The following KCNN2 variants were observed in gnomAD, a reference collection of about 807,000 sequenced individuals.
KCNN2 encodes the protein small conductance calcium-activated potassium channel protein 2.
A neutral mutation model predicts 55.5 loss-of-function variants in KCNN2; 24 were observed. That is an observed-to-expected ratio of 0.43 (90% CI 0.31 to 0.61). The LOEUF (loss-of-function observed/expected upper bound fraction) is 0.61, where lower values mean the gene tolerates loss of function less well. Among genes scored for constraint, KCNN2 ranks in the 20% least tolerant of loss-of-function variants. KCNN2 has a pLI of 0.08. For missense variants in KCNN2, 754 were observed against 853.6 expected, an observed-to-expected ratio of 0.88 and a Z score of 1.45; for synonymous variants, 431 against 336.1, an observed-to-expected ratio of 1.28 and a Z score of -3.09.
chr5:114,442,519 T>C (rs958519038), intron 3 of KCNN2, among the ~76,000 whole-genome samples: 3 of 152,186 alleles, frequency 2.0e-5, no homozygotes, highest in Non-Finnish European at 4.4e-5. Context: ...CTCAGTGATA[T>C]GACAAGCTGC....
chr5:114,281,360 C>T (rs1175455586), intron 2 of KCNN2, among the ~76,000 whole-genome samples: 1 of 152,170 alleles, frequency 6.6e-6, no homozygotes, highest in East Asian at 1.9e-4. Context: ...CCAAATGTCC[C>T]TCATGGAAAG....
chr5:114,328,685 A>G (rs1378922515), intron 2 of KCNN2, among the ~76,000 whole-genome samples: 1 of 152,142 alleles, frequency 6.6e-6, no homozygotes, highest in African/African-American at 2.4e-5. Flanking sequence ...TTCGGCAGGG[A>G]AGAAGCCACC....
At chr5:114,347,555 C>G (rs373564418) in intron 2 of KCNN2, among the ~76,000 whole-genome samples, 86 of 152,298 alleles carry the variant, frequency 5.6e-4, no homozygotes, top group African/African-American at 2.0e-3. Context: ...CTAGACAAAA[C>G]TTTCTGATCA....
chr5:114,388,001 C>G (rs1332962072), intron 2 of KCNN2, among the ~76,000 whole-genome samples: 1 of 152,198 alleles, frequency 6.6e-6, no homozygotes, highest in Non-Finnish European at 1.5e-5. Context: ...GCATATCCTT[C>G]CGTTCCATGC....
rs377546513 is a variant in KCNN2, at chr5:114,320,112, A to T, written c.-184-40833A>T. Among the ~76,000 whole-genome samples, 4 of 152,190 alleles carry T rather than the reference A, an allele frequency of 2.6e-5. No individual in the cohort carries two copies. In the South Asian group the frequency reaches 8.3e-4, roughly 32 times the overall value. ...GATCCCCTTCTTCATATCCCCAAACATGAATGAGTAATCATAAAACAGGAA... is the reference window on the plus strand; with the variant it reads ...GATCCCCTTCTTCATATCCCCAAACTTGAATGAGTAATCATAAAACAGGAA... On this transcript the variant is annotated intron_variant, in intron 2 of 10. Transcript: ENST00000512097.
intron 3 of KCNN2, among the ~76,000 whole-genome samples, chr5:114,406,370 C>T (rs976671999): frequency 1.3e-5 from 2 of 150,962 alleles, no homozygotes; most frequent in Admixed American, 6.6e-5. Flanking sequence ...ATACCCCTTT[C>T]ACAACTTCAC....
chr5:114,158,673 T>C (rs201806800), intron 1 of KCNN2, among the ~76,000 whole-genome samples: 1 of 151,148 alleles, frequency 6.6e-6, no homozygotes, highest in Non-Finnish European at 1.5e-5. Context: ...TCCTCTTTTA[T>C]TTCATTGAGC....
At chr5:114,335,132 C>T (rs183946662) in intron 2 of KCNN2, among the ~76,000 whole-genome samples, 14 of 152,238 alleles carry the variant, frequency 9.2e-5, no homozygotes, top group African/African-American at 3.4e-4. Flanking sequence ...ACCGTGTTAG[C>T]CAGGATGGTG....
chr5:114,404,882 C>A, intron 3 of KCNN2, 26 bp downstream of exon 3: 2 of 1,570,434 alleles, frequency 1.3e-6, no homozygotes, highest in Non-Finnish European at 1.7e-6. Flanking sequence ...TTCCTGAGAA[C>A]ATAATTTACC....
chr5:114,079,945 T>G (rs567097242), intron 1 of KCNN2, among the ~76,000 whole-genome samples: 4 of 152,198 alleles, frequency 2.6e-5, no homozygotes, highest in East Asian at 1.9e-4. Flanking sequence ...CCTAGTCCAC[T>G]CTGTCTCCTG....
chr5:114,342,458 A>G (rs1035052617), intron 2 of KCNN2, among the ~76,000 whole-genome samples: 3 of 150,056 alleles, frequency 2.0e-5, no homozygotes, highest in African/African-American at 5.0e-5. Context: ...TATTGGAGGT[A>G]GGGTTGATGA....
intron 1 of KCNN2, among the ~76,000 whole-genome samples, chr5:114,105,428 G>C (rs940770557): frequency 5.3e-5 from 8 of 151,988 alleles, no homozygotes; most frequent in African/African-American, 1.9e-4. Flanking sequence ...ATTTGCTTCT[G>C]GTATTCTTCC....
chr5:114,312,434 CATATATAT>C (rs59964515), intron 2 of KCNN2, among the ~76,000 whole-genome samples: 430 of 23,106 alleles, frequency 0.019, 5 homozygotes, highest in Middle Eastern at 0.11. Context: ...CACACACACA[CATATATAT>C]ATATATATAT....
At chr5:114,412,712 C>T (rs1045777921) in intron 3 of KCNN2, among the ~76,000 whole-genome samples, 4 of 152,200 alleles carry the variant, frequency 2.6e-5, no homozygotes, top group Middle Eastern at 3.2e-3. Flanking sequence ...CTAGCCTACT[C>T]CTTTCCCAGC....
intron 1 of KCNN2, among the ~76,000 whole-genome samples, chr5:114,097,807 T>C (rs1450906470): frequency 6.6e-6 from 1 of 152,170 alleles, no homozygotes. Flanking sequence ...AAGCACCTTG[T>C]CCACCTCCTC....
At chr5:114,387,695 A>G (rs542685049) in intron 2 of KCNN2, among the ~76,000 whole-genome samples, 95 of 152,278 alleles carry the variant, frequency 6.2e-4, no homozygotes, top group Non-Finnish European at 1.1e-3. Flanking sequence ...TTCAGCTCCA[A>G]TAGAGCCTCT....
chr5:114,408,731 A>G (rs1759024095), intron 3 of KCNN2, among the ~76,000 whole-genome samples: 1 of 152,192 alleles, frequency 6.6e-6, no homozygotes, highest in East Asian at 1.9e-4. Context: ...TCCAAAGGCC[A>G]ATTAAGAGAG....
At chr5:114,432,284 T>G (rs1414638822) in intron 3 of KCNN2, among the ~76,000 whole-genome samples, 1 of 152,266 alleles carries the variant, frequency 6.6e-6, no homozygotes, top group African/African-American at 2.4e-5. Context: ...AGGATTGTTA[T>G]GTCTCCTTGG....
intron 1 of KCNN2, among the ~76,000 whole-genome samples, chr5:114,113,629 C>A (rs1751649771): frequency 6.6e-6 from 1 of 151,988 alleles, no homozygotes; most frequent in African/African-American, 2.4e-5. Flanking sequence ...CCATTTTTAA[C>A]AAAGAGTGAT....
Sources: gnomAD v4.1 joint callset for allele counts (sites outside exome capture counted in the v4.1 genomes callset) on GRCh38, gnomAD v4.1.1 for gene constraint, MANE v1.5 for transcripts, NCBI Gene and HGNC (gene_info 2026-07-23, HGNC 2026-07-21) for gene names.